GNA14: variants seen among roughly 807,000 people sequenced by gnomAD.
GNA14 encodes G protein subunit alpha 14.
GNA14 carries 50 observed loss-of-function variants against 42.0 expected under a neutral mutation model. That is an observed-to-expected ratio of 1.19 (90% confidence interval 0.95 to 1.51). The LOEUF (loss-of-function observed/expected upper bound fraction) is 1.51. Ranked by LOEUF, GNA14 falls within the 40% of genes most tolerant of loss-of-function variation. The probability of loss-of-function intolerance (pLI) is 0.00; values close to 1 mark genes in which losing one functional copy is unlikely to be tolerated. For missense variants in GNA14, 473 were observed against 446.2 expected, an observed-to-expected ratio of 1.06 and a Z score of -0.54; for synonymous variants, 173 against 163.1, an observed-to-expected ratio of 1.06 and a Z score of -0.46.
At chr9:77,555,388 C>A (rs1338640868) in intron 1 of GNA14, among the ~76,000 whole-genome samples, 1 of 152,104 alleles carries the variant, frequency 6.6e-6, no homozygotes, top group Admixed American at 6.6e-5. Context: ...GGGCCATTCC[C>A]AGCTACTCAT....
intron 2 of GNA14, among the ~76,000 whole-genome samples, chr9:77,474,803 T>C (rs1381947048): frequency 1.3e-5 from 2 of 152,192 alleles, no homozygotes; most frequent in Non-Finnish European, 2.9e-5. Flanking sequence ...CATTGAAATA[T>C]GATTTGGCAA....
intron 2 of GNA14, among the ~76,000 whole-genome samples, chr9:77,486,084 T>G (rs1292073016): frequency 1.3e-5 from 2 of 152,222 alleles, no homozygotes; most frequent in Non-Finnish European, 2.9e-5. Flanking sequence ...GGATGTTGTC[T>G]TCTTCCAATA....
At chr9:77,575,695 G>A (rs1404518259) in intron 1 of GNA14, among the ~76,000 whole-genome samples, 5 of 151,804 alleles carry the variant, frequency 3.3e-5, no homozygotes, top group South Asian at 2.1e-4. Flanking sequence ...TATTTTAGAC[G>A]TAAATCCATC....
At chr9:77,569,906 A>G (rs1445103609) in intron 1 of GNA14, among the ~76,000 whole-genome samples, 1 of 151,960 alleles carries the variant, frequency 6.6e-6, no homozygotes, top group East Asian at 1.9e-4. Flanking sequence ...AGCTGGGATT[A>G]CAGGCGTGTG....
intron 2 of GNA14, among the ~76,000 whole-genome samples, chr9:77,474,379 G>T (rs1587784148): frequency 1.5e-5 from 2 of 132,612 alleles, no homozygotes; most frequent in African/African-American, 3.2e-5. Flanking sequence ...TACACAAATG[G>T]CTGACAAGCA....
At chr9:77,549,710 G>A (rs1837766556) in intron 1 of GNA14, among the ~76,000 whole-genome samples, 1 of 152,116 alleles carries the variant, frequency 6.6e-6, no homozygotes. Flanking sequence ...GGGGCTCTTG[G>A]CGCCACCCTA....
intron 2 of GNA14, among the ~76,000 whole-genome samples, chr9:77,439,390 C>T (rs1423471673): frequency 6.6e-6 from 1 of 152,196 alleles, no homozygotes; most frequent in Non-Finnish European, 1.5e-5. Flanking sequence ...TGTTTTCCCA[C>T]CACTTTGGGA....
Position 77,639,147 on chromosome 9 carries a change from C to T in GNA14, c.124+8523G>A, listed in dbSNP as rs963336148. Among the ~76,000 whole-genome samples, 5 of 151,942 alleles carry T rather than the reference C, an allele frequency of 3.3e-5. No homozygotes were observed. The South Asian group carries it at 6.2e-4, about 19-fold the overall frequency. Reference sequence around the variant, plus strand: ...TTTGTTGTAGATCTTTGTAATTTGGCGCTGCCCAGCATCTGAGCACTTACC... The same window carrying T: ...TTTGTTGTAGATCTTTGTAATTTGGTGCTGCCCAGCATCTGAGCACTTACC... On this transcript the variant is annotated intron_variant, in intron 1 of 6. Coordinates refer to ENST00000341700, the MANE Select transcript of GNA14 (RefSeq NM_004297.4).
intron 2 of GNA14, among the ~76,000 whole-genome samples, chr9:77,490,093 C>T (rs1337848029): frequency 6.6e-6 from 1 of 152,038 alleles, no homozygotes; most frequent in Non-Finnish European, 1.5e-5. Flanking sequence ...TTGGTGCACT[C>T]ACAAACCTTG....
chr9:77,501,713 C>CTTTTT (rs71358606), intron 2 of GNA14, among the ~76,000 whole-genome samples: 7,822 of 130,268 alleles, frequency 0.06, 734 homozygotes, highest in African/African-American at 0.17. Flanking sequence ...TGGATAATTT[C>CTTTTT]TTTTTTTTTT....
chr9:77,453,753 C>T (rs368163843), intron 2 of GNA14, among the ~76,000 whole-genome samples: 9 of 152,320 alleles, frequency 5.9e-5, no homozygotes, highest in African/African-American at 2.2e-4. Flanking sequence ...CCTGCAGCCA[C>T]CACAACAAAT....
intron 2 of GNA14, among the ~76,000 whole-genome samples, chr9:77,499,221 G>A (rs895807728): frequency 3.9e-5 from 6 of 152,054 alleles, no homozygotes; most frequent in Non-Finnish European, 8.8e-5. Flanking sequence ...ACTAACATTT[G>A]TAATTCTTCT....
intron 2 of GNA14, among the ~76,000 whole-genome samples, chr9:77,456,925 G>A (rs1027186851): frequency 1.3e-5 from 2 of 152,138 alleles, no homozygotes; most frequent in Non-Finnish European, 2.9e-5. Flanking sequence ...ACGAGTTTAC[G>A]TACTTACCTA....
At chr9:77,576,234 A>G (rs937471330) in intron 1 of GNA14, among the ~76,000 whole-genome samples, 2 of 152,260 alleles carry the variant, frequency 1.3e-5, no homozygotes, top group East Asian at 3.9e-4. Context: ...AAAGACGTTG[A>G]AAGAGAGGGT....
chr9:77,490,673 C>A lies in GNA14; in HGVS notation c.309+38396G>T, dbSNP rs982772414. ...GGCCAGCAGGGCCGGCCGGCCGCTC[C>A]GAGTGCGGGGCCTGCCAAGCCCACG... On this transcript the variant is annotated intron_variant, in intron 2 of 6. Transcript: ENST00000341700. Among the ~76,000 whole-genome samples, 2 of 152,210 alleles carry A rather than the reference C, an allele frequency of 1.3e-5. 1 individual carries two copies. Among genetic ancestry groups the A allele is most frequent in the Non-Finnish European group, 2.9e-5 (2 of 68,018 alleles).
chr9:77,569,737 G>A (rs541191874), intron 1 of GNA14, among the ~76,000 whole-genome samples: 2 of 152,090 alleles, frequency 1.3e-5, no homozygotes, highest in East Asian at 3.9e-4. Context: ...TTGGAGGAGG[G>A]TAGTAGGGAT....
chr9:77,621,568 C>T (rs1210909935), intron 1 of GNA14, among the ~76,000 whole-genome samples: 1 of 152,180 alleles, frequency 6.6e-6, no homozygotes, highest in African/African-American at 2.4e-5. Flanking sequence ...AAACCTCTTT[C>T]TCATTTCCTC....
intron 1 of GNA14, among the ~76,000 whole-genome samples, chr9:77,636,319 CAAT>C (rs2118019854): frequency 6.6e-6 from 1 of 152,140 alleles, no homozygotes; most frequent in East Asian, 1.9e-4. Flanking sequence ...TCAGGCAAAA[CAAT>C]AAAACATACA....
At chr9:77,451,431 A>AC (rs1184910828) in intron 2 of GNA14, among the ~76,000 whole-genome samples, 1 of 152,154 alleles carries the variant, frequency 6.6e-6, no homozygotes, top group Non-Finnish European at 1.5e-5. Context: ...TTGTAACTAT[A>AC]CTTAGCTGAG....
Sources: allele counts gnomAD v4.1 joint callset (sites outside exome capture counted in the v4.1 genomes callset), GRCh38; gene constraint gnomAD v4.1.1; transcripts MANE v1.5; gene names NCBI Gene and HGNC (gene_info 2026-07-23, HGNC 2026-07-21).